The following CTNNA2 variants were observed in gnomAD, a reference collection of about 807,000 sequenced individuals.
CTNNA2 encodes catenin alpha 2.
A neutral mutation model predicts 101.0 loss-of-function variants in CTNNA2; 42 were observed. The ratio of observed to expected loss-of-function variants is 0.42; its 90% CI spans 0.32 to 0.54. The LOEUF is 0.54. Among genes scored for constraint, CTNNA2 ranks in the 20% least tolerant of loss-of-function variants. CTNNA2 has a pLI of 0.14. For missense variants in CTNNA2, 871 were observed against 1,223.1 expected, an observed-to-expected ratio of 0.71 and a Z score of 4.29; for synonymous variants, 450 against 456.4, an observed-to-expected ratio of 0.99 and a Z score of 0.18.
intron 2 of CTNNA2, among the ~76,000 whole-genome samples, chr2:79,739,513 C>T (rs947894665): frequency 2.0e-5 from 3 of 152,158 alleles, no homozygotes; most frequent in Non-Finnish European, 4.4e-5. Flanking sequence ...TGAAAGAAAA[C>T]AGCTTATGAT....
intron 2 of CTNNA2, among the ~76,000 whole-genome samples, chr2:79,296,843 A>G (rs1675991068): frequency 6.6e-6 from 1 of 152,116 alleles, no homozygotes. Context: ...TGGTGCCAGT[A>G]GTGTTCACCT....
chr2:80,054,542 A>G (rs1265489325), intron 7 of CTNNA2, among the ~76,000 whole-genome samples: 1 of 152,178 alleles, frequency 6.6e-6, no homozygotes, highest in Non-Finnish European at 1.5e-5. Flanking sequence ...GTTGGGTGCC[A>G]GGCAGGGGTA....
At chr2:79,686,734 C>T (rs1683956712) in intron 2 of CTNNA2, among the ~76,000 whole-genome samples, 1 of 151,654 alleles carries the variant, frequency 6.6e-6, no homozygotes, top group Non-Finnish European at 1.5e-5. Context: ...AGGAAGATAC[C>T]CTGTATTATT....
At chr2:80,228,275 G>A (rs1218346989) in intron 7 of CTNNA2, among the ~76,000 whole-genome samples, 1 of 152,146 alleles carries the variant, frequency 6.6e-6, no homozygotes, top group Admixed American at 6.5e-5. Context: ...AAAATCAAGG[G>A]ACCAGCAGAT....
intron 3 of CTNNA2, among the ~76,000 whole-genome samples, chr2:79,368,252 C>G (rs1338312643): frequency 6.6e-6 from 1 of 152,152 alleles, no homozygotes; most frequent in Non-Finnish European, 1.5e-5. Flanking sequence ...TGGTCTTTGC[C>G]TAGAGCAACT....
chr2:79,567,297 A>G (rs1295090002), intron 1 of CTNNA2, among the ~76,000 whole-genome samples: 1 of 151,214 alleles, frequency 6.6e-6, no homozygotes, highest in Non-Finnish European at 1.5e-5. Context: ...CTTTTCTTCA[A>G]AAGATGGAAT....
At chr2:80,626,991 G>T (rs1161449351) in intron 18 of CTNNA2, among the ~76,000 whole-genome samples, 2 of 151,994 alleles carry the variant, frequency 1.3e-5, no homozygotes, top group African/African-American at 4.8e-5. Context: ...GTGTTAGTTT[G>T]CTGAGAATGA....
chr2:80,227,283 T>C (rs1027129016), intron 7 of CTNNA2, among the ~76,000 whole-genome samples: 3 of 152,216 alleles, frequency 2.0e-5, no homozygotes, highest in Non-Finnish European at 4.4e-5. Flanking sequence ...CTACTGTTTT[T>C]TGAATACTTA....
intron 6 of CTNNA2, among the ~76,000 whole-genome samples, chr2:79,906,533 T>A (rs1374586841): frequency 6.6e-6 from 1 of 152,214 alleles, no homozygotes; most frequent in Non-Finnish European, 1.5e-5. Flanking sequence ...GGAGATTTTT[T>A]AAAAAGCTTT....
At chr2:79,727,893 C>T (rs1216668616) in intron 2 of CTNNA2, among the ~76,000 whole-genome samples, 1 of 152,002 alleles carries the variant, frequency 6.6e-6, no homozygotes, top group Non-Finnish European at 1.5e-5. Context: ...CATGTCCCTA[C>T]AAAGGACATG....
At chr2:80,128,564 G>T (rs1206313374) in intron 7 of CTNNA2, among the ~76,000 whole-genome samples, 1 of 152,162 alleles carries the variant, frequency 6.6e-6, no homozygotes, top group Non-Finnish European at 1.5e-5. Flanking sequence ...AGCACAGTTT[G>T]TATAACTTTA....
chr2:80,097,542 A>T lies in CTNNA2; in HGVS notation c.1056+187745A>T, dbSNP rs533286274. Among the ~76,000 whole-genome samples, 531 of 152,142 alleles carry T rather than the reference A, an allele frequency of 3.5e-3. 7 individuals carry two copies. The highest frequency in any genetic ancestry group is 6.6e-3 in the South Asian group (32 of 4,820). On this transcript the variant is annotated intron_variant, in intron 7 of 18. Transcript: ENST00000402739. ...GCGTTCTCTGTATTTCCTGAATTTG[A>T]ATGTTGGCCTGCCTTCCTAGATTGG...
intron 7 of CTNNA2, among the ~76,000 whole-genome samples, chr2:79,947,850 A>G (rs987799693): frequency 6.6e-6 from 1 of 152,130 alleles, no homozygotes; most frequent in Non-Finnish European, 1.5e-5. Flanking sequence ...GGACTAAAAG[A>G]GTGTTATGAA....
intron 3 of CTNNA2, among the ~76,000 whole-genome samples, chr2:79,748,148 C>T (rs1671766759): frequency 6.6e-6 from 1 of 152,112 alleles, no homozygotes; most frequent in African/African-American, 2.4e-5. Context: ...TTATGTAATC[C>T]CCTTAGCTTA....
chr2:80,369,473 A>G (rs144591843), intron 7 of CTNNA2, among the ~76,000 whole-genome samples: 2 of 152,270 alleles, frequency 1.3e-5, no homozygotes, highest in Non-Finnish European at 2.9e-5. Flanking sequence ...ATTCTTTGTA[A>G]AAGTGAAATA....
intron 2 of CTNNA2, among the ~76,000 whole-genome samples, chr2:79,705,206 C>A (rs1685275034): frequency 6.6e-6 from 1 of 152,076 alleles, no homozygotes; most frequent in African/African-American, 2.4e-5. Context: ...CTGTTGTAGA[C>A]CAAGTACAGT....
chr2:79,316,787 C>A (rs1205072927), intron 3 of CTNNA2, among the ~76,000 whole-genome samples: 1 of 151,502 alleles, frequency 6.6e-6, no homozygotes, highest in African/African-American at 2.4e-5. Flanking sequence ...CATTTATTAT[C>A]CCTAATAGTT....
Position 80,189,231 on chromosome 2 carries a change from G to C in CTNNA2, c.1057-203980G>C, listed in dbSNP as rs563476486. On this transcript the variant is annotated intron_variant, in intron 7 of 18. Transcript: ENST00000402739. ...GGCCTTCCAAAGTGCTGGGATTACA[G>C]GCATGAGCCACTGCACCTGGCCTGG... is the stretch of plus-strand genomic sequence containing the variant. Among the ~76,000 whole-genome samples, 3 of 152,250 alleles carry C rather than the reference G, an allele frequency of 2.0e-5. No homozygotes were observed. In the South Asian group the frequency reaches 6.2e-4, roughly 32 times the overall value.
At chr2:79,284,490 A>C (rs1558601973) in intron 2 of CTNNA2, among the ~76,000 whole-genome samples, 2 of 151,424 alleles carry the variant, frequency 1.3e-5, no homozygotes, top group Non-Finnish European at 2.9e-5. Flanking sequence ...ATTTTGTCAA[A>C]GGCTTTTTCT....
Sources: gnomAD v4.1 joint callset for allele counts (sites outside exome capture counted in the v4.1 genomes callset) on GRCh38, gnomAD v4.1.1 for gene constraint, MANE v1.5 for transcripts, NCBI Gene and HGNC (gene_info 2026-07-23, HGNC 2026-07-21) for gene names.